Variants in ZBTB38 observed in about 807,000 individuals in gnomAD.
ZBTB38 encodes the protein zinc finger and BTB domain-containing protein 38.
ZBTB38 carries 20 observed loss-of-function variants against 76.8 expected under a neutral mutation model. That is an observed-to-expected ratio of 0.26 (90% confidence interval 0.18 to 0.38). The LOEUF (loss-of-function observed/expected upper bound fraction) is 0.38. ZBTB38 is among the 10% of genes least tolerant of loss of function. The probability of loss-of-function intolerance (pLI) is 1.00; values close to 1 mark genes in which losing one functional copy is unlikely to be tolerated. For missense variants in ZBTB38, 1,082 were observed against 1,482.3 expected (o/e 0.73, Z 4.43); for synonymous variants, 504 against 544.2 (o/e 0.93, Z 1.03).
At chr3:141,348,556 A>G (rs1469565821) in intron 1 of ZBTB38, among the ~76,000 whole-genome samples, 2 of 152,246 alleles carry the variant, frequency 1.3e-5, no homozygotes, top group African/African-American at 2.4e-5. Flanking sequence ...ATGCATTAGT[A>G]GAATATCGTC....
At chr3:141,339,714 G>A (rs186964245) in intron 1 of ZBTB38, among the ~76,000 whole-genome samples, 77 of 152,298 alleles carry the variant, frequency 5.1e-4, no homozygotes, top group African/African-American at 1.5e-3. Flanking sequence ...GTGGAGTGGC[G>A]AGTGGGGACC....
chr3:141,384,746 G>A (rs1946693028), intron 3 of ZBTB38: 1 of 152,274 alleles, frequency 6.6e-6, no homozygotes, highest in African/African-American at 2.4e-5. Flanking sequence ...TGATGTGGGG[G>A]TGGGGAAGAT....
intron 1 of ZBTB38, among the ~76,000 whole-genome samples, chr3:141,349,374 G>A (rs1353038395): frequency 6.6e-6 from 1 of 152,118 alleles, no homozygotes; most frequent in Non-Finnish European, 1.5e-5. Flanking sequence ...CTAAAGCACA[G>A]AGTGCTGTTT....
At chr3:141,393,144 C>G (rs1949382290) in intron 4 of ZBTB38, among the ~76,000 whole-genome samples, 1 of 152,214 alleles carries the variant, frequency 6.6e-6, no homozygotes. Flanking sequence ...TTTCTGTGCT[C>G]ATGAAAAGCA....
chr3:141,334,597 A>ACCCCTGTCTG (rs1471850814), intron 1 of ZBTB38, among the ~76,000 whole-genome samples: 30 of 152,050 alleles, frequency 2.0e-4, no homozygotes, highest in African/African-American at 6.5e-4. Flanking sequence ...AGAGGACAGC[A>ACCCCTGTCTG]CCCCTGTCTG....
upstream of ZBTB38, chr3:141,368,263 G>C (rs1404576444): frequency 6.6e-6 from 1 of 152,670 alleles, no homozygotes; most frequent in African/African-American, 2.4e-5. Flanking sequence ...TGTTGAATCT[G>C]TCTGGGGCTG....
At chr3:141,378,357 CA>C (rs1945695519) in intron 2 of ZBTB38, among the ~76,000 whole-genome samples, 2 of 134,428 alleles carry the variant, frequency 1.5e-5, no homozygotes, top group South Asian at 4.4e-4. Flanking sequence ...TGTAGACATA[CA>C]GGTACACACA....
chr3:141,338,076 A>T (rs1156920425), intron 1 of ZBTB38, among the ~76,000 whole-genome samples: 1 of 152,224 alleles, frequency 6.6e-6, no homozygotes, highest in East Asian at 1.9e-4. Flanking sequence ...GATAAATGCA[A>T]ATAACCACAG....
At chr3:141,378,491 C>G (rs1945722758) in intron 2 of ZBTB38, among the ~76,000 whole-genome samples, 1 of 152,226 alleles carries the variant, frequency 6.6e-6, no homozygotes, top group Non-Finnish European at 1.5e-5. Context: ...TAAGACAACA[C>G]TGGGGGAAGG....
Position 141,447,307 on chromosome 3 carries a change from C to G in ZBTB38, c.*1331C>G, listed in dbSNP as rs2081171452. On this transcript the variant is annotated 3_prime_UTR_variant, in exon 6 of 6. Coordinates refer to ENST00000321464, the MANE Select transcript of ZBTB38 (RefSeq NM_001376113.1). ...TGGAGTGACATGGTTCTATCCTTTA[C>G]TTATGAGACTCAGAAATATATCTAC... is the stretch of plus-strand genomic sequence containing the variant. The G allele has an allele frequency of 1.3e-5, 2 of 152,570 alleles. No homozygotes were observed. Among genetic ancestry groups the G allele is most frequent in the South Asian group, 4.1e-4 (2 of 4,830 alleles). 9.5% of individuals were successfully genotyped at this position (152,570 alleles called of 1,614,324 possible). A position where few individuals can be genotyped will look rare whatever the true frequency, so the allele number is the denominator to read the frequency against.
intron 1 of ZBTB38, among the ~76,000 whole-genome samples, chr3:141,330,154 G>A (rs540860530): frequency 6.6e-6 from 1 of 152,286 alleles, no homozygotes; most frequent in Non-Finnish European, 1.5e-5. Context: ...GTCATGATGG[G>A]CACTGGGAGG....
chr3:141,364,778 G>A (rs991950095), upstream of ZBTB38, among the ~76,000 whole-genome samples: 3 of 139,464 alleles, frequency 2.2e-5, no homozygotes, highest in Non-Finnish European at 3.1e-5. Flanking sequence ...TGACCAATAA[G>A]CTCCTGAAAA....
intron 4 of ZBTB38, chr3:141,387,599 TC>T (rs1424441275): frequency 6.6e-6 from 1 of 152,190 alleles, no homozygotes; most frequent in Non-Finnish European, 1.5e-5. Context: ...AGCTTTGAAC[TC>T]TCAGAGGAGG....
In ZBTB38 at chr3:141,448,313, T is replaced by C. The variant is rs547631191; in HGVS notation, c.*2337T>C. ...AAATATTTTCTATAATTGTATTCATTTAAAATGTTGATAGCTTGTGTTAGT... is the reference window on the plus strand; with the variant it reads ...AAATATTTTCTATAATTGTATTCATCTAAAATGTTGATAGCTTGTGTTAGT... On this transcript the variant is annotated 3_prime_UTR_variant, in exon 6 of 6. Coordinates refer to ENST00000321464, the MANE Select transcript of ZBTB38 (RefSeq NM_001376113.1). The C allele has an allele frequency of 6.5e-6, 1 of 152,778 alleles. No individual in the cohort carries two copies. The highest frequency in any genetic ancestry group is 1.5e-5 in the Non-Finnish European group (1 of 68,016). 9.5% of individuals were successfully genotyped at this position (152,778 alleles called of 1,614,324 possible).
At chr3:141,340,949 G>GGAAAGAAAGAAAGAAAAAGAAA (rs1553760104) in intron 1 of ZBTB38, among the ~76,000 whole-genome samples, 1 of 111,928 alleles carries the variant, frequency 8.9e-6, no homozygotes, top group East Asian at 2.4e-4. Context: ...AAAGAAAGAA[G>GGAAAGAAAGAAAGAAAAAGAAA]GAAAGAAAGA....
chr3:141,338,967 G>A (rs965771573), intron 1 of ZBTB38, among the ~76,000 whole-genome samples: 3 of 152,058 alleles, frequency 2.0e-5, no homozygotes, highest in Admixed American at 2.0e-4. Flanking sequence ...TAAGTACTAT[G>A]AATGACCATA....
chr3:141,403,125 C>T (rs1952923400), intron 4 of ZBTB38: 1 of 152,218 alleles, frequency 6.6e-6, no homozygotes, highest in Admixed American at 6.5e-5. Flanking sequence ...GTCCGCGGTT[C>T]CACTTTATAA....
At chr3:141,367,756 C>G (rs890308548), upstream of ZBTB38, 1 of 152,154 alleles carries the variant, frequency 6.6e-6, no homozygotes, top group East Asian at 1.9e-4. Context: ...TGTGATAATA[C>G]CAATAAATGA....
At chr3:141,441,946 G>A (rs1293372398) in intron 5 of ZBTB38, among the ~76,000 whole-genome samples, 2 of 151,972 alleles carry the variant, frequency 1.3e-5, no homozygotes, top group African/African-American at 4.8e-5. Context: ...CCTGCTTCAT[G>A]GTTGTGACTG....
Sources: allele counts gnomAD v4.1 joint callset (sites outside exome capture counted in the v4.1 genomes callset), GRCh38; gene constraint gnomAD v4.1.1; transcripts MANE v1.5; gene names NCBI Gene and HGNC (gene_info 2026-07-23, HGNC 2026-07-21).